Variants in TNFSF4 observed in about 807,000 individuals in gnomAD.
TNFSF4 encodes tumor necrosis factor ligand superfamily member 4.
A neutral mutation model predicts 7.3 loss-of-function variants in TNFSF4; 4 were observed. That is an observed-to-expected ratio of 0.55 (90% CI 0.27 to 1.25). The LOEUF (loss-of-function observed/expected upper bound fraction) is 1.25. TNFSF4 is among the 50% of genes most tolerant of loss of function. TNFSF4 has a pLI of 0.12. For synonymous variants in TNFSF4, 76 were observed against 83.7 expected (o/e 0.91, Z 0.50); for missense variants, 181 against 208.8 (o/e 0.87, Z 0.82).
chr1:173,415,980 G>A, the TNFSF4 span, among the ~76,000 whole-genome samples: 1 of 152,208 alleles, frequency 6.6e-6, no homozygotes, highest in Non-Finnish European at 1.5e-5. Flanking sequence ...GGACTGCCAG[G>A]TCCACCGGGC....
the TNFSF4 span, among the ~76,000 whole-genome samples, chr1:173,295,227 C>T: frequency 2.0e-5 from 3 of 151,960 alleles, no homozygotes; most frequent in Non-Finnish European, 4.4e-5. Flanking sequence ...CCCAACAATT[C>T]CACGTCTAAG....
chr1:173,304,687 C>T, the TNFSF4 span, among the ~76,000 whole-genome samples: 2 of 151,950 alleles, frequency 1.3e-5, no homozygotes, highest in Admixed American at 1.3e-4. Context: ...GGCCTCAAGC[C>T]CTCACTTTAT....
At chr1:173,251,387 T>C in the TNFSF4 span, among the ~76,000 whole-genome samples, 1 of 152,232 alleles carries the variant, frequency 6.6e-6, no homozygotes, top group African/African-American at 2.4e-5. Flanking sequence ...AATTAATCTT[T>C]GAGCCCCTTG....
chr1:173,437,697 T>A, the TNFSF4 span, among the ~76,000 whole-genome samples: 1 of 152,198 alleles, frequency 6.6e-6, no homozygotes, highest in Admixed American at 6.5e-5. Flanking sequence ...ACATGCTAAA[T>A]TCCCACATAC....
At chr1:173,447,915 T>C in the TNFSF4 span, among the ~76,000 whole-genome samples, 1 of 152,088 alleles carries the variant, frequency 6.6e-6, no homozygotes, top group East Asian at 1.9e-4. Context: ...TAGATGGGAA[T>C]AGAAGTAATA....
chr1:173,301,351 C>CT, the TNFSF4 span, among the ~76,000 whole-genome samples: 1 of 39,910 alleles, frequency 2.5e-5, no homozygotes, highest in South Asian at 1.4e-3. Context: ...TAAAAAGTTC[C>CT]ATTTTTTTTA....
At chr1:173,379,933 C>G in the TNFSF4 span, among the ~76,000 whole-genome samples, 1 of 152,184 alleles carries the variant, frequency 6.6e-6, no homozygotes, top group Admixed American at 6.5e-5. Context: ...GCCAGAAGCC[C>G]CCAACCAGAT....
chr1:173,217,698 TA>T, the TNFSF4 span, among the ~76,000 whole-genome samples: 2 of 152,206 alleles, frequency 1.3e-5, no homozygotes, highest in African/African-American at 2.4e-5. Flanking sequence ...TTATGGTAAA[TA>T]AAACACTATT....
At chr1:173,442,599 G>C in the TNFSF4 span, among the ~76,000 whole-genome samples, 4 of 142,220 alleles carry the variant, frequency 2.8e-5, no homozygotes. Context: ...GTCCAGGCTG[G>C]AGTGCAGTGA....
At chr1:173,356,908 ATTGCCATGGG>A in the TNFSF4 span, among the ~76,000 whole-genome samples, 1 of 152,206 alleles carries the variant, frequency 6.6e-6, no homozygotes, top group Non-Finnish European at 1.5e-5. Flanking sequence ...AAGTACCTGC[ATTGCCATGGG>A]TGTGGTGGCA....
chr1:173,359,409 C>A, the TNFSF4 span, among the ~76,000 whole-genome samples: 2 of 130,432 alleles, frequency 1.5e-5, no homozygotes, highest in Admixed American at 8.2e-5. Context: ...AGTTCTTAGA[C>A]AAGCATAAAC....
chr1:173,269,416 T>C, the TNFSF4 span, among the ~76,000 whole-genome samples: 2 of 152,178 alleles, frequency 1.3e-5, no homozygotes, highest in Non-Finnish European at 2.9e-5. Context: ...TCTTTCCTTA[T>C]TAAGCTGAGA....
At chr1:173,248,207 A>G in the TNFSF4 span, among the ~76,000 whole-genome samples, 1 of 152,074 alleles carries the variant, frequency 6.6e-6, no homozygotes, top group African/African-American at 2.4e-5. Context: ...TGCAAAAAAA[A>G]TTAGCTGGGC....
the TNFSF4 span, among the ~76,000 whole-genome samples, chr1:173,445,605 T>C: frequency 7.2e-5 from 11 of 152,198 alleles, no homozygotes; most frequent in East Asian, 2.1e-3. Flanking sequence ...AGTAAGTCAG[T>C]AGGTAAATTT....
At chr1:173,333,109 A>T in the TNFSF4 span, among the ~76,000 whole-genome samples, 1 of 152,230 alleles carries the variant, frequency 6.6e-6, no homozygotes, top group Non-Finnish European at 1.5e-5. Context: ...CCTTCAGGAC[A>T]CAAGGGGCAA....
At chr1:173,371,058 A>C in the TNFSF4 span, among the ~76,000 whole-genome samples, 1 of 152,204 alleles carries the variant, frequency 6.6e-6, no homozygotes, top group African/African-American at 2.4e-5. Flanking sequence ...AACAGGACTG[A>C]GGGTGCCCAG....
the TNFSF4 span, among the ~76,000 whole-genome samples, chr1:173,222,037 C>T: frequency 6.6e-6 from 1 of 152,166 alleles, no homozygotes; most frequent in Non-Finnish European, 1.5e-5. Flanking sequence ...TAAATATTAG[C>T]TATTCTTATA....
chr1:173,378,417 C>T, the TNFSF4 span, among the ~76,000 whole-genome samples: 16 of 152,288 alleles, frequency 1.1e-4, no homozygotes, highest in East Asian at 2.9e-3. Flanking sequence ...ACCAAAACCA[C>T]GGGCGGTTTG....
the TNFSF4 span, among the ~76,000 whole-genome samples, chr1:173,372,764 G>A: frequency 2.0e-5 from 3 of 152,288 alleles, no homozygotes; most frequent in South Asian, 6.2e-4. Context: ...AAATACACAT[G>A]TGTGTGGCCC....
Sources: allele counts gnomAD v4.1 joint callset (sites outside exome capture counted in the v4.1 genomes callset), GRCh38; gene constraint gnomAD v4.1.1; transcripts MANE v1.5; gene names NCBI Gene and HGNC (gene_info 2026-07-23, HGNC 2026-07-21).